Variants in MGAT4C observed in about 807,000 individuals in gnomAD.
The protein encoded by MGAT4C is MGAT4 family member C, also known as alpha-1,3-mannosyl-glycoprotein 4-beta-N-acetylglucosaminyltransferase C.
A neutral mutation model predicts 40.1 loss-of-function variants in MGAT4C; 19 were observed. That is an observed-to-expected ratio of 0.47 (90% CI 0.33 to 0.70). The LOEUF is 0.70. MGAT4C is among the 30% of genes least tolerant of loss of function. The pLI, the probability that MGAT4C is intolerant of heterozygous loss-of-function variation, is 0.02. For missense variants in MGAT4C, 491 were observed against 563.2 expected (o/e 0.87, Z 1.30); for synonymous variants, 181 against 187.1 (o/e 0.97, Z 0.27).
At chr12:86,585,500 G>A (rs894644402) in intron 2 of MGAT4C, among the ~76,000 whole-genome samples, 1 of 151,218 alleles carries the variant, frequency 6.6e-6, no homozygotes, top group Admixed American at 6.6e-5. Flanking sequence ...TTTGCCTAAA[G>A]GTAAAATGCT....
chr12:85,969,342 G>A lies in MGAT4C; in HGVS notation c.*9947C>T, dbSNP rs1883507674. Reference sequence around the variant, plus strand: ...ATAATAGCTGAAATTTAGAAACATAGTTAATCACACAAAAAATGTTGCATA... The same window carrying A: ...ATAATAGCTGAAATTTAGAAACATAATTAATCACACAAAAAATGTTGCATA... On this transcript the variant is annotated 3_prime_UTR_variant, in exon 5 of 5. Coordinates refer to ENST00000611864, the MANE Select transcript of MGAT4C (RefSeq NM_001351288.2). 6.6e-6 allele frequency: 1 copy of A among 151,674 alleles called. No individual in the cohort carries two copies. Among genetic ancestry groups the A allele is most frequent in the Non-Finnish European group, 1.5e-5 (1 of 67,708 alleles). 9.4% of individuals were successfully genotyped at this position (151,674 alleles called of 1,614,324 possible). A position where few individuals can be genotyped will look rare whatever the true frequency, so the allele number is the denominator to read the frequency against.
At chr12:86,330,154 C>A (rs1293704535) in intron 4 of MGAT4C, among the ~76,000 whole-genome samples, 2 of 152,114 alleles carry the variant, frequency 1.3e-5, no homozygotes, top group African/African-American at 4.8e-5. Flanking sequence ...TTTTGAGGAC[C>A]CTAATGTGAT....
chr12:86,264,205 T>C (rs1157815577), intron 4 of MGAT4C, among the ~76,000 whole-genome samples: 2 of 152,230 alleles, frequency 1.3e-5, no homozygotes, highest in Non-Finnish European at 2.9e-5. Context: ...TTGTCTATTT[T>C]TGTTGCGTGT....
At chr12:86,829,481 T>C (rs911940619) in intron 1 of MGAT4C, among the ~76,000 whole-genome samples, 5 of 151,678 alleles carry the variant, frequency 3.3e-5, no homozygotes, top group African/African-American at 7.2e-5. Flanking sequence ...CTTAAAACTT[T>C]CTACAAAATT....
At chr12:86,328,143 A>G (rs936890922) in intron 4 of MGAT4C, among the ~76,000 whole-genome samples, 1 of 152,172 alleles carries the variant, frequency 6.6e-6, no homozygotes, top group African/African-American at 2.4e-5. Context: ...ATGTACCATT[A>G]TATGTACCAA....
chr12:86,744,741 G>A (rs2136134507), intron 1 of MGAT4C, among the ~76,000 whole-genome samples: 1 of 151,618 alleles, frequency 6.6e-6, no homozygotes, highest in Admixed American at 6.6e-5. Context: ...GGATGTGGGT[G>A]TGTCTTTGTA....
chr12:86,807,015 A>ATG (rs1432227013), intron 1 of MGAT4C, among the ~76,000 whole-genome samples: 1 of 151,130 alleles, frequency 6.6e-6, no homozygotes, highest in Non-Finnish European at 1.5e-5. Context: ...TAAAAAGTAT[A>ATG]TATATAAATA....
intron 1 of MGAT4C, among the ~76,000 whole-genome samples, chr12:86,795,657 A>T (rs1952102568): frequency 6.6e-6 from 1 of 151,908 alleles, no homozygotes; most frequent in Non-Finnish European, 1.5e-5. Flanking sequence ...GTACAGGAAG[A>T]AGAAGAGAGA....
intron 4 of MGAT4C, among the ~76,000 whole-genome samples, chr12:86,287,060 G>T (rs1423461744): frequency 6.6e-6 from 1 of 152,152 alleles, no homozygotes; most frequent in Non-Finnish European, 1.5e-5. Context: ...ATGCATGCAT[G>T]TGGCTTTATG....
intron 2 of MGAT4C, among the ~76,000 whole-genome samples, chr12:86,489,977 G>C (rs183529664): frequency 6.6e-6 from 1 of 152,140 alleles, no homozygotes; most frequent in East Asian, 1.9e-4. Context: ...GGGGAGAATG[G>C]AACCAAGTTG....
At chr12:86,803,838 C>T (rs1400244096) in intron 1 of MGAT4C, among the ~76,000 whole-genome samples, 2 of 151,066 alleles carry the variant, frequency 1.3e-5, no homozygotes, top group African/African-American at 4.9e-5. Flanking sequence ...CTAGTTCAAC[C>T]ATTGTGGAAT....
rs79833583 is a variant in MGAT4C, at chr12:86,130,359, T to G, written c.-56-80636A>C. On this transcript the variant is annotated intron_variant, in intron 1 of 4. Transcript: ENST00000611864. ...TGAGAATGATTATTTCCATGCCAAA[T>G]GTAATAAAATGGCTCACAATACAAT... 0.023 allele frequency among the ~76,000 whole-genome samples: 3,448 copies of G among 152,200 alleles called. 270 individuals carry two copies. In the East Asian group the frequency reaches 0.28, roughly 12 times the overall value.
intron 2 of MGAT4C, among the ~76,000 whole-genome samples, chr12:86,035,603 G>A (rs1472813243): frequency 6.7e-6 from 1 of 149,740 alleles, no homozygotes; most frequent in African/African-American, 2.4e-5. Flanking sequence ...TGTCAATTTT[G>A]GCTTTTGTGG....
intron 2 of MGAT4C, among the ~76,000 whole-genome samples, chr12:86,509,288 G>A (rs926447862): frequency 6.6e-6 from 1 of 152,134 alleles, no homozygotes; most frequent in African/African-American, 2.4e-5. Context: ...TGGCTAGCCA[G>A]TTTTCCCAGC....
At chr12:86,748,621 G>T (rs1056719594) in intron 1 of MGAT4C, among the ~76,000 whole-genome samples, 1 of 151,584 alleles carries the variant, frequency 6.6e-6, no homozygotes, top group African/African-American at 2.4e-5. Flanking sequence ...GAGTAGTCAG[G>T]GTCAGAAATA....
chr12:86,265,821 C>CT (rs1187311891), intron 4 of MGAT4C, among the ~76,000 whole-genome samples: 1 of 152,118 alleles, frequency 6.6e-6, no homozygotes, highest in Admixed American at 6.5e-5. Flanking sequence ...TCTACAATTT[C>CT]TTTCATCAGT....
rs140551145 is a variant in MGAT4C at position 86,653,671 on chromosome 12, A to C, written c.-229+73538T>G. Among the ~76,000 whole-genome samples, 954 of 152,088 alleles carry C rather than the reference A, an allele frequency of 6.3e-3. 10 individuals carry two copies. Among genetic ancestry groups the C allele is most frequent in the African/African-American group, 0.022 (896 of 41,536 alleles). On this transcript the variant is annotated intron_variant, in intron 2 of 7. Coordinates refer to the MGAT4C transcript ENST00000548651. ...TTTGTATGTATCTTTCTTGTATAACAATAGTAATACTTAGAAATCATAGGT... is the reference window on the plus strand; with the variant it reads ...TTTGTATGTATCTTTCTTGTATAACCATAGTAATACTTAGAAATCATAGGT...
chr12:86,667,251 A>G (rs1015312999), intron 2 of MGAT4C, among the ~76,000 whole-genome samples: 1 of 152,314 alleles, frequency 6.6e-6, no homozygotes, highest in Admixed American at 6.5e-5. Flanking sequence ...GACACAGAAA[A>G]GTCTTGCAGT....
intron 1 of MGAT4C, among the ~76,000 whole-genome samples, chr12:86,208,378 A>G (rs60704816): frequency 0.1 from 15,599 of 152,212 alleles, 889 homozygotes; most frequent in Middle Eastern, 0.22. Context: ...GAGTCAGGAG[A>G]ATCGCTTGAA....
Sources: allele counts gnomAD v4.1 joint callset (sites outside exome capture counted in the v4.1 genomes callset), GRCh38; gene constraint gnomAD v4.1.1; transcripts MANE v1.5; gene names NCBI Gene and HGNC (gene_info 2026-07-23, HGNC 2026-07-21).